Variants in EPHA3 observed in about 807,000 individuals in gnomAD.
EPHA3 encodes the protein ephrin type-A receptor 3.
In EPHA3, 42 loss-of-function variants were observed where a neutral mutation model predicts 107.1. The observed-to-expected ratio is 0.39, with a 90% CI of 0.31 to 0.51. The LOEUF is 0.51. Ranked by LOEUF, EPHA3 falls within the 20% of genes least tolerant of loss-of-function variation. The pLI is 0.78. For synonymous variants in EPHA3, 461 were observed against 424.8 expected (o/e 1.09, Z -1.05); for missense variants, 1,183 against 1,211.2 (o/e 0.98, Z 0.35).
chr3:89,284,504 A>C (rs1706030617), intron 3 of EPHA3, among the ~76,000 whole-genome samples: 1 of 152,200 alleles, frequency 6.6e-6, no homozygotes. Flanking sequence ...TACTGATTTT[A>C]AAACCTTGAG....
At position 89,323,139 on chromosome 3, in the gene EPHA3, A is replaced by C. The variant is rs547808632; in HGVS notation, c.815-17777A>C. Among the ~76,000 whole-genome samples, 4 of 152,270 alleles carry C rather than the reference A, an allele frequency of 2.6e-5. No homozygotes were observed. In the South Asian group the frequency reaches 8.3e-4, roughly 32 times the overall value. On this transcript the variant is annotated intron_variant, in intron 3 of 16. Coordinates refer to ENST00000336596, the MANE Select transcript of EPHA3 (RefSeq NM_005233.6). ...GGCAAATGTGGTTTAATATTGCTTA[A>C]ATATATTGACACATCTACCTATGTT...
chr3:89,421,289 ATACT>A (rs1709348597), intron 11 of EPHA3, among the ~76,000 whole-genome samples: 1 of 151,292 alleles, frequency 6.6e-6, no homozygotes, highest in African/African-American at 2.4e-5. Context: ...ATCATAATAG[ATACT>A]TAATTTACCA....
chr3:89,461,306 T>C (rs1313567973), intron 15 of EPHA3, among the ~76,000 whole-genome samples: 3 of 93,454 alleles, frequency 3.2e-5, no homozygotes, highest in East Asian at 2.9e-4. Flanking sequence ...TGTGTCTTTA[T>C]AGCAGCATGA....
At chr3:89,188,225 A>C (rs1156343045) in intron 2 of EPHA3, among the ~76,000 whole-genome samples, 1 of 152,168 alleles carries the variant, frequency 6.6e-6, no homozygotes, top group Non-Finnish European at 1.5e-5. Flanking sequence ...GATGAAACAC[A>C]TCCAGATAAA....
chr3:89,438,576 A>G (rs1576378250), intron 13 of EPHA3, among the ~76,000 whole-genome samples: 1 of 152,326 alleles, frequency 6.6e-6, no homozygotes. Context: ...CAAAAAAACC[A>G]TGCTTATCAA....
intron 3 of EPHA3, among the ~76,000 whole-genome samples, chr3:89,259,439 G>C (rs925787892): frequency 2.6e-5 from 4 of 152,144 alleles, no homozygotes; most frequent in African/African-American, 9.7e-5. Context: ...GAACATGCTA[G>C]GCGTTCACTA....
At chr3:89,418,625 T>G (rs1052305811) in intron 10 of EPHA3, among the ~76,000 whole-genome samples, 1 of 151,436 alleles carries the variant, frequency 6.6e-6, no homozygotes, top group African/African-American at 2.4e-5. Flanking sequence ...TTGTTTTTAT[T>G]TGATACTGTT....
chr3:89,416,406 T>A (rs1709248311), intron 10 of EPHA3, among the ~76,000 whole-genome samples: 1 of 151,396 alleles, frequency 6.6e-6, no homozygotes, highest in South Asian at 2.1e-4. Context: ...CTATTGCAAA[T>A]TGCATTTGCC....
chr3:89,454,632 T>C lies in EPHA3; in HGVS notation c.2690+4262T>C, dbSNP rs149898682. 6.4e-4 allele frequency among the ~76,000 whole-genome samples: 97 copies of C among 152,274 alleles called. 1 individual carries two copies. Among genetic ancestry groups the C allele is most frequent in the South Asian group, 3.1e-3 (15 of 4,830 alleles). On this transcript the variant is annotated intron_variant, in intron 15 of 16. Coordinates refer to ENST00000336596, the MANE Select transcript of EPHA3 (RefSeq NM_005233.6). ...CAAAACATATATGATATAGTTTCAGTCACCTGTTTATAATCAATATTGAAT... is the reference window on the plus strand; with the variant it reads ...CAAAACATATATGATATAGTTTCAGCCACCTGTTTATAATCAATATTGAAT...
intron 3 of EPHA3, among the ~76,000 whole-genome samples, chr3:89,315,221 ATG>A (rs1348944017): frequency 6.6e-6 from 1 of 151,790 alleles, no homozygotes; most frequent in African/African-American, 2.4e-5. Flanking sequence ...TGTGTATACA[ATG>A]TGTGTGAATG....
At chr3:89,323,019 TAAAAA>T (rs1707079666) in intron 3 of EPHA3, among the ~76,000 whole-genome samples, 1 of 152,086 alleles carries the variant, frequency 6.6e-6, no homozygotes. Flanking sequence ...GAATTATATT[TAAAAA>T]GTATAATTTT....
At chr3:89,123,810 T>C (rs1018863541) in intron 1 of EPHA3, among the ~76,000 whole-genome samples, 1 of 152,250 alleles carries the variant, frequency 6.6e-6, no homozygotes, top group African/African-American at 2.4e-5. Context: ...TAAAAAAGTT[T>C]ATATATTCCA....
chr3:89,234,200 T>C (rs992058944), intron 3 of EPHA3, among the ~76,000 whole-genome samples: 10 of 152,266 alleles, frequency 6.6e-5, no homozygotes, highest in African/African-American at 9.6e-5. Flanking sequence ...ATGAAATATA[T>C]AAACAAGAAT....
chr3:89,316,331 A>C (rs1234629044), intron 3 of EPHA3, among the ~76,000 whole-genome samples: 1 of 151,340 alleles, frequency 6.6e-6, no homozygotes, highest in Non-Finnish European at 1.5e-5. Flanking sequence ...CTGTGGTGTC[A>C]AAAACAACAG....
chr3:89,184,134 T>TTTA (rs1705506596), intron 2 of EPHA3, among the ~76,000 whole-genome samples: 1 of 152,018 alleles, frequency 6.6e-6, no homozygotes, highest in African/African-American at 2.4e-5. Flanking sequence ...TAGAGATCAC[T>TTTA]GGAAAATGAT....
At chr3:89,245,042 A>T (rs1705000649) in intron 3 of EPHA3, among the ~76,000 whole-genome samples, 1 of 152,192 alleles carries the variant, frequency 6.6e-6, no homozygotes, top group Non-Finnish European at 1.5e-5. Context: ...TTGAAGAAAC[A>T]TTTAAAAAAA....
intron 2 of EPHA3, among the ~76,000 whole-genome samples, chr3:89,139,714 T>C (rs1704387583): frequency 1.3e-5 from 2 of 151,666 alleles, no homozygotes; most frequent in African/African-American, 2.4e-5. Flanking sequence ...AGACAAGCAA[T>C]TGAGGCTCAA....
intron 13 of EPHA3, among the ~76,000 whole-genome samples, chr3:89,436,715 C>A (rs995464814): frequency 2.0e-5 from 3 of 152,122 alleles, no homozygotes; most frequent in African/African-American, 7.2e-5. Flanking sequence ...AACACCTAAG[C>A]TCAAAACTTA....
At chr3:89,447,089 G>T (rs1709890494) in intron 13 of EPHA3, among the ~76,000 whole-genome samples, 1 of 152,044 alleles carries the variant, frequency 6.6e-6, no homozygotes, top group Non-Finnish European at 1.5e-5. Flanking sequence ...GATGTCAAGG[G>T]GTAGTATTTG....
Sources: allele counts gnomAD v4.1 joint callset (sites outside exome capture counted in the v4.1 genomes callset), GRCh38; gene constraint gnomAD v4.1.1; transcripts MANE v1.5; gene names NCBI Gene and HGNC (gene_info 2026-07-23, HGNC 2026-07-21).